C5orf24: variants seen among roughly 807,000 people sequenced by gnomAD.
The protein encoded by C5orf24 is chromosome 5 open reading frame 24, also known as UPF0461 protein C5orf24.
A neutral mutation model predicts 9.8 loss-of-function variants in C5orf24; 4 were observed. That is an observed-to-expected ratio of 0.41 (90% CI 0.20 to 0.93). C5orf24 has a LOEUF of 0.93. Among genes scored for constraint, C5orf24 ranks in the 40% least tolerant of loss-of-function variants. The pLI is 0.33. For synonymous variants in C5orf24, 73 were observed against 81.3 expected (o/e 0.90, Z 0.55); for missense variants, 170 against 236.9 (o/e 0.72, Z 1.85).
At chr5:134,843,388 AAATAG>A (rs1472823968), upstream of C5orf24, among the ~76,000 whole-genome samples, 2 of 152,218 alleles carry the variant, frequency 1.3e-5, no homozygotes, top group Non-Finnish European at 2.9e-5. Context: ...AAATATTTGA[AAATAG>A]AATAGTATAA....
intron 1 of C5orf24, among the ~76,000 whole-genome samples, chr5:134,850,396 C>A (rs1328018297): frequency 6.6e-6 from 1 of 152,034 alleles, no homozygotes; most frequent in South Asian, 2.1e-4. Context: ...ATCCACCCGC[C>A]TTGGCCTCCC....
the C5orf24 span, among the ~76,000 whole-genome samples, chr5:134,835,203 T>TA: frequency 4.6e-5 from 7 of 150,792 alleles, no homozygotes; most frequent in Admixed American, 2.0e-4. Context: ...AAGACTGTCT[T>TA]AAAAAAAAGT....
chr5:134,853,010 A>G (rs1320946904), intron 1 of C5orf24, among the ~76,000 whole-genome samples: 1 of 152,100 alleles, frequency 6.6e-6, no homozygotes, highest in Non-Finnish European at 1.5e-5. Flanking sequence ...CTAAAAATAC[A>G]AAATATTCGC....
At chr5:134,834,293 A>T in the C5orf24 span, among the ~76,000 whole-genome samples, 19 of 152,200 alleles carry the variant, frequency 1.2e-4, no homozygotes, top group Non-Finnish European at 1.9e-4. Context: ...TGGCAACTTC[A>T]GGCACTTCTG....
rs1414034805 is a variant in C5orf24, at chr5:134,855,339, G to A, written c.439G>A (p.Ala147Thr). The A allele has an allele frequency of 6.2e-7, 1 of 1,614,140 alleles. No individual in the cohort carries two copies. Among genetic ancestry groups the A allele is most frequent in the South Asian group, 1.1e-5 (1 of 91,080 alleles). The change falls in exon 2 of 2, where the codon GCT becomes ACT. Residue 147 changes from alanine (A) to threonine (T), a missense_variant. Coordinates refer to ENST00000394976, the MANE Select transcript of C5orf24 (RefSeq NM_001135586.1). Reference sequence around the variant, plus strand: ...AGGCAGACCTCCAGGTAGCATTAAAGCTCTATCCCGTCTTGCCGATCTTGG... The same window carrying A: ...AGGCAGACCTCCAGGTAGCATTAAAACTCTATCCCGTCTTGCCGATCTTGG... ...SPGRPPGSIK[A>T]LSRLADLGYG...
Position 134,855,218 on chromosome 5 carries a change from A to C in C5orf24, c.318A>C (p.Thr106=). ...TTKSAGYRTS[T]GRPLGTTKAA... ...AATCAGCAGGATACCGGACCAGCAC[A>C]GGCAGACCCCTGGGAACCACCAAAG... The change falls in exon 2 of 2, where the codon ACA becomes ACC. Residue 106 remains threonine, a synonymous_variant. Transcript: ENST00000394976. 6.2e-7 allele frequency: 1 copy of C among 1,614,240 alleles called. No individual in the cohort carries two copies. Among genetic ancestry groups the C allele is most frequent in the Non-Finnish European group, 8.5e-7 (1 of 1,180,046 alleles).
chr5:134,848,250 G>T (rs1274069483), intron 1 of C5orf24, among the ~76,000 whole-genome samples: 1 of 152,140 alleles, frequency 6.6e-6, no homozygotes, highest in Non-Finnish European at 1.5e-5. Context: ...GGCGTAGCTT[G>T]CAGTGAGCCA....
At chr5:134,844,245 A>C (rs938411133), upstream of C5orf24, among the ~76,000 whole-genome samples, 6 of 152,230 alleles carry the variant, frequency 3.9e-5, no homozygotes, top group Non-Finnish European at 8.8e-5. Context: ...AGGCTACTTA[A>C]TATGCCTTAA....
chr5:134,856,115 A>G lies in C5orf24; in HGVS notation c.*648A>G, dbSNP rs1756303412. 1 of 1,000,282 alleles carries G rather than the reference A, an allele frequency of 1.0e-6. No individual in the cohort carries two copies. 62.0% of individuals were successfully genotyped at this position (1,000,282 alleles called of 1,614,324 possible). A position where few individuals can be genotyped will look rare whatever the true frequency, so the allele number is the denominator to read the frequency against. On this transcript the variant is annotated 3_prime_UTR_variant, in exon 2 of 2. Transcript: ENST00000394976. ...CTTCAGTGTTTGCCTTTGAGCAGTG[A>G]TAGGTTGTGTATTTTTTAATTGCCT...
At chr5:134,840,401 G>A in the C5orf24 span, among the ~76,000 whole-genome samples, 20 of 151,674 alleles carry the variant, frequency 1.3e-4, no homozygotes, top group Non-Finnish European at 2.4e-4. Flanking sequence ...TTGAGTCCAG[G>A]TCTTGCTCTG....
intron 1 of C5orf24, among the ~76,000 whole-genome samples, chr5:134,854,367 A>T (rs888594928): frequency 6.6e-6 from 1 of 152,150 alleles, no homozygotes; most frequent in African/African-American, 2.4e-5. Flanking sequence ...TGTAACATAT[A>T]CTCAGGGTTC....
chr5:134,855,132 C>G lies in C5orf24; in HGVS notation c.232C>G (p.Leu78Val). ...SGRSIEIKDE[L>V]KKKKNLNRSG... ...CAGAAGCATAGAAATAAAAGATGAA[C>G]TAAAGAAAAAGAAGAATCTCAACCG... Residue 78 changes from leucine (L) to valine (V), a missense_variant, in exon 2 of 2, where the codon CTA becomes GTA. Around this residue, in one of 3 missense-constraint regions of C5orf24, gnomAD observed 93 missense variants for 104.5 expected, o/e 0.89. Coordinates refer to ENST00000394976, the MANE Select transcript of C5orf24 (RefSeq NM_001135586.1). 1 of 1,614,076 alleles carries G rather than the reference C, an allele frequency of 6.2e-7. No individual in the cohort carries two copies.
At chr5:134,849,312 A>G (rs935058146) in intron 1 of C5orf24, among the ~76,000 whole-genome samples, 2 of 152,206 alleles carry the variant, frequency 1.3e-5, no homozygotes, top group African/African-American at 4.8e-5. Flanking sequence ...GGAGGAAGGC[A>G]TTATGGAGTG....
chr5:134,850,475 T>C (rs1756125820), intron 1 of C5orf24, among the ~76,000 whole-genome samples: 1 of 145,248 alleles, frequency 6.9e-6, no homozygotes, highest in Non-Finnish European at 1.5e-5. Context: ...AAATTGCAAG[T>C]GTTTTTTTTT....
At chr5:134,834,366 G>A in the C5orf24 span, among the ~76,000 whole-genome samples, 15 of 152,152 alleles carry the variant, frequency 9.9e-5, no homozygotes, top group African/African-American at 3.6e-4. Flanking sequence ...AGGCTCTCAA[G>A]TGCCTTCCAG....
chr5:134,844,595 A>G (rs1233972888), upstream of C5orf24, among the ~76,000 whole-genome samples: 2 of 152,174 alleles, frequency 1.3e-5, no homozygotes, highest in Admixed American at 1.3e-4. Flanking sequence ...TGGCCTCCCA[A>G]AGTCCTGGGA....
In C5orf24 at chr5:134,857,372, C is replaced by T; in HGVS notation, c.*1905C>T. ...TTTTTATCAGGAAAAAAGCAGCAAG[C>T]CTTCAGGTGTTCCAGTGATGCCTGA... On this transcript the variant is annotated 3_prime_UTR_variant, in exon 2 of 2. Transcript: ENST00000394976. 3 of 1,548,148 alleles carry T rather than the reference C, an allele frequency of 1.9e-6. No homozygotes were observed. Among genetic ancestry groups the T allele is most frequent in the Non-Finnish European group, 1.7e-6 (2 of 1,145,356 alleles).
upstream of C5orf24, among the ~76,000 whole-genome samples, chr5:134,843,863 A>T (rs577059100): frequency 7.7e-4 from 117 of 152,220 alleles, 1 homozygote; most frequent in African/African-American, 2.7e-3. Flanking sequence ...CCACTGATGG[A>T]TATTTAAATA....
At chr5:134,849,028 G>A (rs1007191234) in intron 1 of C5orf24, among the ~76,000 whole-genome samples, 4 of 151,490 alleles carry the variant, frequency 2.6e-5, no homozygotes, top group Non-Finnish European at 4.4e-5. Flanking sequence ...GAGGCTGAGC[G>A]GGTGGATCAC....
Sources: gnomAD v4.1 joint callset for allele counts (sites outside exome capture counted in the v4.1 genomes callset) on GRCh38, gnomAD v4.1.1 for gene constraint, gnomAD v4.1.1 regional missense constraint, MANE v1.5 for transcripts, NCBI Gene and HGNC (gene_info 2026-07-23, HGNC 2026-07-21) for gene names.